ITGA9: variants seen among roughly 807,000 people sequenced by gnomAD.
ITGA9 encodes integrin alpha-9.
In ITGA9, 56 loss-of-function variants were observed where a neutral mutation model predicts 127.8. The observed-to-expected ratio is 0.44, with a 90% CI of 0.35 to 0.55. ITGA9 has a LOEUF of 0.55. Among genes scored for constraint, ITGA9 ranks in the 20% least tolerant of loss-of-function variants. The pLI, the probability that ITGA9 is intolerant of heterozygous loss-of-function variation, is 0.00. For missense variants in ITGA9, 1,196 were observed against 1,347.1 expected (o/e 0.89, Z 1.76); for synonymous variants, 508 against 514.5 (o/e 0.99, Z 0.17).
At chr3:37,627,056 T>C (rs1247125728) in intron 15 of ITGA9, among the ~76,000 whole-genome samples, 1 of 152,152 alleles carries the variant, frequency 6.6e-6, no homozygotes, top group Non-Finnish European at 1.5e-5. Flanking sequence ...TGTGCTTTGC[T>C]CCCAGAGGGA....
At chr3:37,491,667 C>T (rs911048628) in intron 4 of ITGA9, among the ~76,000 whole-genome samples, 2 of 152,172 alleles carry the variant, frequency 1.3e-5, no homozygotes, top group African/African-American at 2.4e-5. Context: ...CCTCTCTCTG[C>T]GCCTACCTCA....
intron 18 of ITGA9, among the ~76,000 whole-genome samples, chr3:37,688,583 G>A (rs1008570573): frequency 6.6e-6 from 1 of 152,134 alleles, no homozygotes. Flanking sequence ...GCCGTCCTGA[G>A]CCTGGTCCTG....
At chr3:37,593,233 A>G (rs1338955460) in intron 15 of ITGA9, among the ~76,000 whole-genome samples, 1 of 152,192 alleles carries the variant, frequency 6.6e-6, no homozygotes. Context: ...AATTATCTCT[A>G]GATTACTTGT....
intron 15 of ITGA9, among the ~76,000 whole-genome samples, chr3:37,581,273 T>G (rs181600424): frequency 5.9e-5 from 9 of 152,272 alleles, no homozygotes; most frequent in Admixed American, 1.3e-4. Context: ...ACGGAAGCAG[T>G]GATTCTTGAG....
chr3:37,778,134 A>G (rs1226938927), intron 24 of ITGA9, among the ~76,000 whole-genome samples: 1 of 152,242 alleles, frequency 6.6e-6, no homozygotes, highest in Non-Finnish European at 1.5e-5. Flanking sequence ...GACAAAAGCC[A>G]CATATTGTAA....
intron 11 of ITGA9, among the ~76,000 whole-genome samples, chr3:37,522,764 CAT>C (rs1699057393): frequency 6.6e-6 from 1 of 151,050 alleles, no homozygotes; most frequent in African/African-American, 2.4e-5. Context: ...TTTTAAAAAA[CAT>C]ATAAAGTAAG....
chr3:37,561,520 T>C (rs764289370), intron 15 of ITGA9, among the ~76,000 whole-genome samples: 4 of 152,214 alleles, frequency 2.6e-5, no homozygotes, highest in Admixed American at 6.5e-5. Flanking sequence ...ATTATAAAGG[T>C]TGCTTTCACA....
At chr3:37,621,897 T>G (rs1293161429) in intron 15 of ITGA9, among the ~76,000 whole-genome samples, 2 of 152,178 alleles carry the variant, frequency 1.3e-5, no homozygotes, top group Non-Finnish European at 2.9e-5. Flanking sequence ...TTCTTACCAC[T>G]TATTTCCTGC....
intron 22 of ITGA9, chr3:37,748,851 A>G (rs768574573): frequency 9.4e-5 from 113 of 1,208,488 alleles, no homozygotes; most frequent in Middle Eastern, 6.7e-4. Flanking sequence ...GTGAGAACCA[A>G]TGGGAAGGAG....
At position 37,761,429 on chromosome 3, in the gene ITGA9, G is replaced by T. The variant is rs1696722077; in HGVS notation, c.2541+10860G>T. 2.0e-5 allele frequency among the ~76,000 whole-genome samples: 3 copies of T among 152,282 alleles called. No individual in the cohort carries two copies. The South Asian group carries it at 6.2e-4, about 32-fold the overall frequency. The stretch of plus-strand genomic sequence containing the variant: ...TATTATCAGGGTTCTCAGCATAAAT[G>T]TTGACTTCTATTTTGGTGAAGCAGA... On this transcript the variant is annotated intron_variant, in intron 23 of 27. Coordinates refer to ENST00000264741, the MANE Select transcript of ITGA9 (RefSeq NM_002207.3).
At chr3:37,654,104 A>G (rs1700454012) in intron 17 of ITGA9, among the ~76,000 whole-genome samples, 1 of 152,166 alleles carries the variant, frequency 6.6e-6, no homozygotes, top group East Asian at 1.9e-4. Flanking sequence ...GTTGAATCAT[A>G]TGAAATTGCC....
chr3:37,671,470 C>T lies in ITGA9; in HGVS notation c.1917-12395C>T, dbSNP rs986911936. Among the ~76,000 whole-genome samples, 5 of 152,250 alleles carry T rather than the reference C, an allele frequency of 3.3e-5. No individual in the cohort carries two copies. The South Asian group carries it at 8.3e-4, about 25-fold the overall frequency. Reference sequence around the variant, plus strand: ...AAAGTCAGCTGGGCAGGGACATGGACGTGCTATTTTTTTTAAAGTAATACA... The same window carrying T: ...AAAGTCAGCTGGGCAGGGACATGGATGTGCTATTTTTTTTAAAGTAATACA... On this transcript the variant is annotated intron_variant, in intron 17 of 27. Transcript: ENST00000264741.
chr3:37,632,548 T>C (rs963597170), intron 16 of ITGA9, among the ~76,000 whole-genome samples: 1 of 152,182 alleles, frequency 6.6e-6, no homozygotes, highest in African/African-American at 2.4e-5. Context: ...TATGTAATAA[T>C]AGAATAGCAT....
chr3:37,554,846 A>G (rs997967271), intron 15 of ITGA9, among the ~76,000 whole-genome samples: 11 of 152,032 alleles, frequency 7.2e-5, no homozygotes, highest in African/African-American at 2.7e-4. Flanking sequence ...TGAAAGGGGG[A>G]AGATCTGGAG....
At chr3:37,532,768 G>A (rs1699167090) in intron 13 of ITGA9, among the ~76,000 whole-genome samples, 1 of 152,152 alleles carries the variant, frequency 6.6e-6, no homozygotes, top group Non-Finnish European at 1.5e-5. Context: ...ATTACCAGCT[G>A]GGACTCCACT....
In ITGA9 at chr3:37,820,486, A is replaced by G. The variant is rs1465160503; in HGVS notation, c.*1497A>G. 1 of 152,312 alleles carries G rather than the reference A, an allele frequency of 6.6e-6. No individual in the cohort carries two copies. The highest frequency in any genetic ancestry group is 2.4e-5 in the African/African-American group (1 of 41,432). 9.4% of individuals were successfully genotyped at this position (152,312 alleles called of 1,614,324 possible). On this transcript the variant is annotated 3_prime_UTR_variant, in exon 28 of 28. Transcript: ENST00000264741. ...AACACTGCCCCTCCCCACCCCCTGA[A>G]TGTGTGAGTGCTGAGTTACGGCCTT...
chr3:37,578,094 A>C (rs1699670397), intron 15 of ITGA9, among the ~76,000 whole-genome samples: 1 of 152,212 alleles, frequency 6.6e-6, no homozygotes, highest in South Asian at 2.1e-4. Flanking sequence ...TAGTTCTAGA[A>C]AGAATTGTTT....
rs563350425 is a variant in ITGA9, at chr3:37,536,479, C to T, written c.1528+3011C>T. On this transcript the variant is annotated intron_variant, in intron 14 of 27. Coordinates refer to ENST00000264741, the MANE Select transcript of ITGA9 (RefSeq NM_002207.3). ...TTCTGTGGTATTTATCTGCTGCTGT[C>T]TTCAGCTACATGACCTGCTCTCTGA... is the stretch of plus-strand genomic sequence containing the variant. 2.0e-5 allele frequency among the ~76,000 whole-genome samples: 3 copies of T among 152,398 alleles called. No individual in the cohort carries two copies. In the East Asian group the frequency reaches 5.8e-4, roughly 29 times the overall value.
intron 23 of ITGA9, among the ~76,000 whole-genome samples, chr3:37,776,606 A>G (rs1388999031): frequency 6.6e-6 from 1 of 152,220 alleles, no homozygotes; most frequent in Non-Finnish European, 1.5e-5. Flanking sequence ...TTTTTCTAAC[A>G]GTTCCTCAAT....
Sources: allele counts gnomAD v4.1 joint callset (sites outside exome capture counted in the v4.1 genomes callset), GRCh38; gene constraint gnomAD v4.1.1; transcripts MANE v1.5; gene names NCBI Gene and HGNC (gene_info 2026-07-23, HGNC 2026-07-21).